PLPPR1: variants seen among roughly 807,000 people sequenced by gnomAD.
PLPPR1 encodes phospholipid phosphatase related 1.
PLPPR1 carries 10 observed loss-of-function variants against 33.1 expected under a neutral mutation model. The ratio of observed to expected loss-of-function variants is 0.30; its 90% CI spans 0.19 to 0.51. PLPPR1 has a LOEUF of 0.51. Among genes scored for constraint, PLPPR1 ranks in the 20% least tolerant of loss-of-function variants. The pLI, the probability that PLPPR1 is intolerant of heterozygous loss-of-function variation, is 0.97. For synonymous variants in PLPPR1, 151 were observed against 151.0 expected (o/e 1.00, Z 0.00); for missense variants, 304 against 408.1 (o/e 0.74, Z 2.20).
intron 1 of PLPPR1, among the ~76,000 whole-genome samples, chr9:101,133,292 A>T (rs552909049): frequency 6.6e-6 from 1 of 152,060 alleles, no homozygotes; most frequent in South Asian, 2.1e-4. Context: ...AAGAATATAG[A>T]TCTAATTATT....
At chr9:101,043,608 T>C (rs190043284) in intron 1 of PLPPR1, among the ~76,000 whole-genome samples, 36 of 152,244 alleles carry the variant, frequency 2.4e-4, no homozygotes, top group African/African-American at 8.2e-4. Context: ...TAAACATGTT[T>C]GTGCAAGTAT....
At chr9:101,030,669 G>A (rs904162194) in intron 1 of PLPPR1, among the ~76,000 whole-genome samples, 7 of 151,914 alleles carry the variant, frequency 4.6e-5, no homozygotes, top group African/African-American at 1.7e-4. Flanking sequence ...AAGCCAAGCT[G>A]ATGCTGAAAG....
chr9:101,274,745 C>T (rs1197000161), intron 3 of PLPPR1, among the ~76,000 whole-genome samples: 1 of 152,112 alleles, frequency 6.6e-6, no homozygotes, highest in Non-Finnish European at 1.5e-5. Flanking sequence ...ATGCATCCTC[C>T]ACTCTCCTCA....
intron 2 of PLPPR1, among the ~76,000 whole-genome samples, chr9:101,253,014 G>C (rs561175783): frequency 6.6e-6 from 1 of 152,000 alleles, no homozygotes; most frequent in Non-Finnish European, 1.5e-5. Flanking sequence ...CTTTTAAAAA[G>C]ATTTGAGATA....
chr9:101,274,621 G>A (rs139292272), intron 3 of PLPPR1, among the ~76,000 whole-genome samples: 33 of 152,278 alleles, frequency 2.2e-4, no homozygotes, highest in African/African-American at 7.9e-4. Flanking sequence ...AGTTTCATGG[G>A]AACAGTTTCC....
chr9:101,231,871 A>G (rs1317391099), intron 2 of PLPPR1, among the ~76,000 whole-genome samples: 1 of 152,070 alleles, frequency 6.6e-6, no homozygotes, highest in Non-Finnish European at 1.5e-5. Flanking sequence ...ATTGACACAA[A>G]TATTCTGAAT....
intron 1 of PLPPR1, among the ~76,000 whole-genome samples, chr9:101,062,656 G>A (rs1285428002): frequency 6.6e-6 from 1 of 152,078 alleles, no homozygotes; most frequent in Non-Finnish European, 1.5e-5. Flanking sequence ...CTGAAATGTA[G>A]AGAGGAAAGG....
At chr9:101,071,605 G>GGAGAGAGAGAGA (rs3080736) in intron 1 of PLPPR1, among the ~76,000 whole-genome samples, 45 of 149,114 alleles carry the variant, frequency 3.0e-4, no homozygotes, top group African/African-American at 8.2e-4. Context: ...GGAGTGAGAA[G>GGAGAGAGAGAGA]GAGAGAGAGA....
intron 2 of PLPPR1, among the ~76,000 whole-genome samples, chr9:101,208,048 C>G (rs1431462): frequency 6.6e-6 from 1 of 152,170 alleles, no homozygotes; most frequent in Admixed American, 6.5e-5. Flanking sequence ...CAACAATATC[C>G]TAAAGCTGGG....
At chr9:101,044,233 TC>T (rs1331420886) in intron 1 of PLPPR1, among the ~76,000 whole-genome samples, 2 of 152,160 alleles carry the variant, frequency 1.3e-5, no homozygotes, top group East Asian at 3.9e-4. Context: ...AGACAGTTCT[TC>T]CTTTGCATTT....
At chr9:101,264,053 C>G (rs1254202988) in intron 2 of PLPPR1, among the ~76,000 whole-genome samples, 1 of 152,144 alleles carries the variant, frequency 6.6e-6, no homozygotes, top group African/African-American at 2.4e-5. Context: ...ATGTGCTTCC[C>G]CTCTAGCCTA....
chr9:101,188,064 G>A (rs1046684638), intron 2 of PLPPR1: 1 of 151,944 alleles, frequency 6.6e-6, no homozygotes, highest in Non-Finnish European at 1.5e-5. Flanking sequence ...TCAACATTAT[G>A]TTTCTGAGAT....
In PLPPR1 at chr9:101,195,844, C is replaced by T. The variant is rs937538956; in HGVS notation, c.63+10287C>T. Among the ~76,000 whole-genome samples, 16 of 152,172 alleles carry T rather than the reference C, an allele frequency of 1.1e-4. 1 individual carries two copies. The highest frequency in any genetic ancestry group is 3.4e-4 in the African/African-American group (14 of 41,436). On this transcript the variant is annotated intron_variant, in intron 2 of 7. Coordinates refer to ENST00000374874, the MANE Select transcript of PLPPR1 (RefSeq NM_207299.2). ...ACAGTACTTTAAACCAAGCATTCTT[C>T]ATAACGTTGAATGAATATACCAATA...
rs201001054 is a variant in PLPPR1, at chr9:101,312,887, A to G, written c.726A>G (p.Thr242=). ...CLGTLCTAFL[T]GLNRVSEYRN... is the part of the protein sequence containing the mutation. The stretch of plus-strand genomic sequence containing the variant: ...GAACTCTCTGCACAGCCTTCCTGAC[A>G]GGCCTCAACCGGGTCTCTGAGTATC... Residue 242 remains threonine, a synonymous_variant, in exon 6 of 8, where the codon ACA becomes ACG. Transcript: ENST00000374874. 2 of 1,614,176 alleles carry G rather than the reference A, an allele frequency of 1.2e-6. No homozygotes were observed. The highest frequency in any genetic ancestry group is 4.5e-5 in the East Asian group (2 of 44,858).
intron 3 of PLPPR1, among the ~76,000 whole-genome samples, chr9:101,281,965 A>G (rs983565808): frequency 1.3e-5 from 2 of 152,218 alleles, no homozygotes; most frequent in Non-Finnish European, 2.9e-5. Context: ...AGGAGCTGAC[A>G]GCTTTGCTGC....
intron 1 of PLPPR1, among the ~76,000 whole-genome samples, chr9:101,099,048 TC>T (rs1245293044): frequency 2.0e-5 from 3 of 151,308 alleles, no homozygotes; most frequent in Non-Finnish European, 4.4e-5. Flanking sequence ...AGTCACTCAA[TC>T]CCTCTAAACC....
At chr9:101,099,357 TA>T (rs900909079) in intron 1 of PLPPR1, among the ~76,000 whole-genome samples, 1 of 152,146 alleles carries the variant, frequency 6.6e-6, no homozygotes, top group African/African-American at 2.4e-5. Context: ...ATTCATGTCC[TA>T]AATATTGACT....
At chr9:101,074,635 G>T (rs904449836) in intron 1 of PLPPR1, among the ~76,000 whole-genome samples, 2 of 151,846 alleles carry the variant, frequency 1.3e-5, no homozygotes, top group African/African-American at 2.4e-5. Flanking sequence ...TGTTCTCTTT[G>T]GTTGCTATGT....
In PLPPR1 at chr9:101,282,355, C is replaced by A. The variant is rs546379183; in HGVS notation, c.253-3749C>A. On this transcript the variant is annotated intron_variant, in intron 3 of 7. Transcript: ENST00000374874. ...TGCAAAAAAATGATTTGACAAAATT[C>A]AATATCCTTTTACGATTTAAAAAAC... 8.0e-4 allele frequency among the ~76,000 whole-genome samples: 121 copies of A among 152,184 alleles called. 1 individual carries two copies. Among genetic ancestry groups the A allele is most frequent in the South Asian group, 5.4e-3 (26 of 4,822 alleles).
Sources: allele counts gnomAD v4.1 joint callset (sites outside exome capture counted in the v4.1 genomes callset), GRCh38; gene constraint gnomAD v4.1.1; transcripts MANE v1.5; gene names NCBI Gene and HGNC (gene_info 2026-07-23, HGNC 2026-07-21).